The following TRAK1 variants were observed in gnomAD, a reference collection of about 807,000 sequenced individuals.
The protein encoded by TRAK1 is trafficking kinesin protein 1.
Under a neutral mutation model 92.1 loss-of-function variants are expected in TRAK1, and 33 were observed. The ratio of observed to expected loss-of-function variants is 0.36; its 90% CI spans 0.27 to 0.48. TRAK1 has a LOEUF of 0.48. Ranked by LOEUF, TRAK1 falls within the 20% of genes least tolerant of loss-of-function variation. The pLI is 0.99. For synonymous variants in TRAK1, 521 were observed against 517.3 expected, an observed-to-expected ratio of 1.01 and a Z score of -0.10; for missense variants, 1,123 against 1,257.9, an observed-to-expected ratio of 0.89 and a Z score of 1.62.
chr3:42,023,301 T>A (rs1701793028), intron 1 of TRAK1, among the ~76,000 whole-genome samples: 2 of 152,216 alleles, frequency 1.3e-5, no homozygotes, highest in South Asian at 4.2e-4. Flanking sequence ...ACAAGCAAGT[T>A]TGAGAATTTC....
At chr3:42,092,783 A>C (rs548735222) in intron 1 of TRAK1, among the ~76,000 whole-genome samples, 1 of 112,284 alleles carries the variant, frequency 8.9e-6, no homozygotes, top group East Asian at 2.6e-4. Context: ...TTCGTGACTC[A>C]CTGTATTGCC....
At chr3:42,149,179 G>T in intron 2 of TRAK1, 1 of 1,040,952 alleles carries the variant, frequency 9.6e-7, no homozygotes, top group East Asian at 8.0e-5. Flanking sequence ...CAGTGGTGGT[G>T]TGTGTCTCTG....
At chr3:42,193,647 A>T (rs1463296804) in intron 8 of TRAK1, among the ~76,000 whole-genome samples, 177 bp from the exon 9 acceptor site, 1 of 152,192 alleles carries the variant, frequency 6.6e-6, no homozygotes, top group Non-Finnish European at 1.5e-5. Flanking sequence ...ATAGAGAATG[A>T]ATGTGGATAT....
intron 1 of TRAK1, among the ~76,000 whole-genome samples, chr3:42,058,629 C>T (rs1027303520): frequency 6.6e-6 from 1 of 152,008 alleles, no homozygotes; most frequent in Non-Finnish European, 1.5e-5. Context: ...CAGGCATGAG[C>T]CACCATGCCT....
chr3:42,203,839 C>A (rs972232518), intron 13 of TRAK1: 1 of 845,248 alleles, frequency 1.2e-6, no homozygotes, highest in Non-Finnish European at 1.4e-6. Context: ...AATACATAAG[C>A]AATACATCTG....
rs79256791 is a variant in TRAK1 at position 42,147,709 on chromosome 3, G to T, written c.286+22095G>T. ...TCTCACTAAAGGCTGGGCCAAATGG[G>T]GTTGGCCAGCCACCTGGCAAGTGGG... is the stretch of plus-strand genomic sequence containing the variant. On this transcript the variant is annotated intron_variant, in intron 2 of 15. Transcript: ENST00000327628. Among the ~76,000 whole-genome samples the T allele has an allele frequency of 1.1e-3, 164 of 152,282 alleles. 2 individuals are homozygous for T. The South Asian group carries it at 0.015, about 14-fold the overall frequency.
intron 1 of TRAK1, among the ~76,000 whole-genome samples, chr3:42,052,357 G>C (rs556273339): frequency 6.6e-6 from 1 of 152,344 alleles, no homozygotes; most frequent in African/African-American, 2.4e-5. Flanking sequence ...GTTCTAACAA[G>C]CCCTTCAGGA....
At chr3:42,022,022 C>T (rs997067989) in intron 1 of TRAK1, among the ~76,000 whole-genome samples, 7 of 152,196 alleles carry the variant, frequency 4.6e-5, no homozygotes, top group Non-Finnish European at 1.0e-4. Context: ...CTGTGCCACA[C>T]CTCAAGGGTG....
intron 3 of TRAK1, among the ~76,000 whole-genome samples, chr3:42,180,096 G>GT (rs1303242096): frequency 6.6e-6 from 1 of 151,820 alleles, no homozygotes; most frequent in Non-Finnish European, 1.5e-5. Flanking sequence ...GAAATGGGAG[G>GT]TTTTTTTCAT....
intron 1 of TRAK1, among the ~76,000 whole-genome samples, chr3:42,019,131 A>G (rs1002216463): frequency 6.6e-6 from 1 of 152,034 alleles, no homozygotes; most frequent in Admixed American, 6.6e-5. Context: ...AAGAAAAAGA[A>G]AAAAAAAGCA....
At chr3:42,030,019 G>A (rs1322880927) in intron 1 of TRAK1, among the ~76,000 whole-genome samples, 1 of 152,112 alleles carries the variant, frequency 6.6e-6, no homozygotes, top group Non-Finnish European at 1.5e-5. Flanking sequence ...TGCCCTGTGG[G>A]GTAGAGGGAC....
chr3:42,076,356 G>A (rs1388497088), intron 1 of TRAK1, among the ~76,000 whole-genome samples: 3 of 150,696 alleles, frequency 2.0e-5, no homozygotes, highest in African/African-American at 7.3e-5. Context: ...CTCCCGAGTA[G>A]CTGGGTTTAC....
chr3:42,175,590 A>T (rs1220097913), intron 2 of TRAK1, among the ~76,000 whole-genome samples: 2 of 152,124 alleles, frequency 1.3e-5, no homozygotes, highest in Non-Finnish European at 2.9e-5. Flanking sequence ...TTAGAACCAG[A>T]TTTCAGGTCT....
chr3:42,099,925 T>C (rs1706497747), intron 1 of TRAK1, among the ~76,000 whole-genome samples: 1 of 152,090 alleles, frequency 6.6e-6, no homozygotes, highest in Admixed American at 6.6e-5. Context: ...GAATTCAGGC[T>C]GCCTGGGATG....
Position 42,188,156 on chromosome 3 carries a change from A to G in TRAK1, c.581+11A>G. The G allele has an allele frequency of 2.5e-6, 4 of 1,613,836 alleles. No homozygotes were observed. The highest frequency in any genetic ancestry group is 3.4e-6 in the Non-Finnish European group (4 of 1,179,762). On this transcript the variant is annotated intron_variant, in intron 5 of 15. Coordinates refer to ENST00000327628, the MANE Select transcript of TRAK1 (RefSeq NM_001042646.3). ...CGTTTGCTCAACCCCGTAAGTCACC[A>G]GAGGGCTGTATTTCTGGAGGCCAGA...
chr3:42,078,601 A>C (rs925683852), intron 1 of TRAK1, among the ~76,000 whole-genome samples: 7 of 151,754 alleles, frequency 4.6e-5, no homozygotes, highest in African/African-American at 1.7e-4. Flanking sequence ...AAAATACAAA[A>C]AATTAGCCGG....
chr3:42,030,378 T>A (rs376246379), intron 1 of TRAK1, among the ~76,000 whole-genome samples: 3 of 143,394 alleles, frequency 2.1e-5, no homozygotes, highest in African/African-American at 7.7e-5. Context: ...AAAAAATATA[T>A]ATATATATAT....
chr3:42,189,382 C>T (rs1165159489), intron 6 of TRAK1, among the ~76,000 whole-genome samples: 1 of 152,220 alleles, frequency 6.6e-6, no homozygotes, highest in Non-Finnish European at 1.5e-5. Context: ...GCCCCTCCTT[C>T]ACAGTCACTC....
chr3:42,087,704 C>T (rs527645429), upstream of TRAK1, among the ~76,000 whole-genome samples: 1 of 152,204 alleles, frequency 6.6e-6, no homozygotes, highest in Non-Finnish European at 1.5e-5. Context: ...GCAAGCATGG[C>T]CCATCACAGG....
Sources: allele counts gnomAD v4.1 joint callset (sites outside exome capture counted in the v4.1 genomes callset), GRCh38; gene constraint gnomAD v4.1.1; transcripts MANE v1.5; gene names NCBI Gene and HGNC (gene_info 2026-07-23, HGNC 2026-07-21).